Variants in P2RX7 observed in about 807,000 individuals in gnomAD.
The protein encoded by P2RX7 is P2X purinoceptor 7.
P2RX7 carries 62 observed loss-of-function variants against 71.6 expected under a neutral mutation model. The ratio of observed to expected loss-of-function variants is 0.87; its 90% confidence interval spans 0.71 to 1.07. The LOEUF (loss-of-function observed/expected upper bound fraction) is 1.07, where lower values mean the gene tolerates loss of function less well. P2RX7 is among the 50% of genes least tolerant of loss of function. The pLI is 0.00. For synonymous variants in P2RX7, 299 were observed against 283.3 expected, an observed-to-expected ratio of 1.06 and a Z score of -0.56; for missense variants, 686 against 748.5, an observed-to-expected ratio of 0.92 and a Z score of 0.97.
rs201644110 is a variant in P2RX7 at position 121,154,944 on chromosome 12, C to G, written c.285C>G (p.Phe95Leu). ...HSVFDTADYT[F>L]PLQGNSFFVM... is the part of the protein sequence containing the mutation. ...TCTTTGACACCGCAGACTACACCTT[C>G]CCTTTGCAGGTGAGCACCTCGTAGC... is the stretch of plus-strand genomic sequence containing the variant. The change falls in exon 2 of 13, where the codon TTC (phenylalanine) becomes TTG (leucine). Residue 95 changes from phenylalanine to leucine, a missense_variant. By Grantham distance (22) the Phe-to-Leu change is conservative. Coordinates refer to ENST00000328963, the MANE Select transcript of P2RX7 (RefSeq NM_002562.6). The surrounding 1 kb of genome is among the most constrained non-coding windows in gnomAD (Gnocchi z 4.2). The G allele has an allele frequency of 1.9e-6, 3 of 1,614,182 alleles. No homozygotes were observed. The Admixed American group carries it at 5.0e-5, about 27-fold the overall frequency.
chr12:121,136,749 C>A (rs569092226), intron 1 of P2RX7, among the ~76,000 whole-genome samples: 105 of 150,156 alleles, frequency 7.0e-4, no homozygotes, highest in African/African-American at 2.5e-3. Context: ...CAGGCCCAAG[C>A]AATCCTCCCA....
chr12:121,163,821 G>A (rs1279912688), intron 5 of P2RX7, among the ~76,000 whole-genome samples: 4 of 152,142 alleles, frequency 2.6e-5, no homozygotes, highest in African/African-American at 9.7e-5. Flanking sequence ...ATATTGGACA[G>A]CGCAGTTCTA....
intron 1 of P2RX7, among the ~76,000 whole-genome samples, chr12:121,148,188 T>TTTTATTTA (rs10627747): frequency 0.093 from 13,038 of 140,432 alleles, 710 homozygotes; most frequent in Non-Finnish European, 0.1. Context: ...CTGGGATCTT[T>TTTTATTTA]TTTATTTATT....
chr12:121,177,145 A>T lies in P2RX7; in HGVS notation c.973-2A>T. The T allele has an allele frequency of 6.2e-7, 1 of 1,613,892 alleles. No homozygotes were observed. Among genetic ancestry groups the T allele is most frequent in the Admixed American group, 1.7e-5 (1 of 60,018 alleles). On this transcript the variant is annotated splice_acceptor_variant, in intron 9 of 12. Coordinates refer to ENST00000328963, the MANE Select transcript of P2RX7 (RefSeq NM_002562.6). LOFTEE classifies it high-confidence loss of function. The stretch of plus-strand genomic sequence containing the variant: ...GAGTAAACTCTCCCACTCTGTTTTT[A>T]GGGAGGAAAATTTGACATTATCCAG...
At chr12:121,153,684 A>T (rs1877951892) in intron 1 of P2RX7, among the ~76,000 whole-genome samples, 1 of 151,800 alleles carries the variant, frequency 6.6e-6, no homozygotes, top group South Asian at 2.1e-4. Flanking sequence ...TCTCAAAAAA[A>T]CATAATAAAA....
intron 3 of P2RX7, among the ~76,000 whole-genome samples, chr12:121,157,200 G>A (rs191168693): frequency 1.1e-3 from 163 of 152,236 alleles, no homozygotes; most frequent in Non-Finnish European, 1.8e-3. Context: ...TTGCAGCAGC[G>A]CTGGTGATAC....
chr12:121,183,654 G>A (rs1298435717), intron 12 of P2RX7, among the ~76,000 whole-genome samples: 2 of 151,940 alleles, frequency 1.3e-5, no homozygotes, highest in Non-Finnish European at 2.9e-5. Flanking sequence ...GAAGAATGTG[G>A]AATACCACAG....
intron 5 of P2RX7, among the ~76,000 whole-genome samples, chr12:121,163,344 A>ACACACACACG (rs1555226348): frequency 1.1e-4 from 14 of 127,644 alleles, no homozygotes; most frequent in Admixed American, 5.5e-4. Context: ...ACACACACAC[A>ACACACACACG]CACACACACA....
intron 1 of P2RX7, among the ~76,000 whole-genome samples, chr12:121,150,093 G>A (rs557401876): frequency 6.6e-6 from 1 of 152,146 alleles, no homozygotes; most frequent in Non-Finnish European, 1.5e-5. Context: ...AGCAAGGTCG[G>A]GAGAGTATTT....
At chr12:121,167,806 A>AT (rs199928441) in intron 8 of P2RX7, among the ~76,000 whole-genome samples, 182 bp downstream of exon 8, 2,131 of 151,156 alleles carry the variant, frequency 0.014, 49 homozygotes, top group African/African-American at 0.049. Flanking sequence ...CACACTCTTT[A>AT]TTTTTTACTT....
At chr12:121,159,887 T>C (rs1208179831) in intron 3 of P2RX7, among the ~76,000 whole-genome samples, 1 of 152,068 alleles carries the variant, frequency 6.6e-6, no homozygotes, top group Non-Finnish European at 1.5e-5. Flanking sequence ...AAGCCACCTG[T>C]CCCCCATCCC....
intron 12 of P2RX7, among the ~76,000 whole-genome samples, chr12:121,183,865 C>G (rs2686382): frequency 0.014 from 2,142 of 152,188 alleles, 47 homozygotes; most frequent in African/African-American, 0.048. Context: ...GAGTTCCAAA[C>G]CAGCCTGGCC....
chr12:121,136,021 A>ATATAT (rs1250639431), intron 1 of P2RX7, among the ~76,000 whole-genome samples: 383 of 16,496 alleles, frequency 0.023, 2 homozygotes, highest in South Asian at 0.16. Context: ...AAAAAAAAAA[A>ATATAT]AAATATATAT....
intron 1 of P2RX7, among the ~76,000 whole-genome samples, 171 bp downstream of exon 1, chr12:121,133,266 G>T (rs371780000): frequency 6.6e-6 from 1 of 152,238 alleles, no homozygotes; most frequent in Non-Finnish European, 1.5e-5. Flanking sequence ...AAGAGGAAAC[G>T]GTGCCAGGCT....
At chr12:121,161,808 A>C (rs570367200) in intron 4 of P2RX7, among the ~76,000 whole-genome samples, 1 of 150,498 alleles carries the variant, frequency 6.6e-6, no homozygotes, top group Non-Finnish European at 1.5e-5. Context: ...AAAAAAAGGC[A>C]CAGGGCAATT....
intron 1 of P2RX7, among the ~76,000 whole-genome samples, chr12:121,146,170 C>T (rs1876140525): frequency 6.6e-6 from 1 of 151,994 alleles, no homozygotes; most frequent in Non-Finnish European, 1.5e-5. Flanking sequence ...CTATGTCTGT[C>T]CTCTTCTTCA....
chr12:121,184,192 C>T (rs931116067), intron 12 of P2RX7, 113 bp from the exon 13 acceptor site: 14 of 1,281,166 alleles, frequency 1.1e-5, no homozygotes, highest in African/African-American at 3.0e-5. Flanking sequence ...TAATAAATGA[C>T]GGCTACTATA....
chr12:121,153,454 G>A (rs1418221866), intron 1 of P2RX7, among the ~76,000 whole-genome samples: 4 of 152,020 alleles, frequency 2.6e-5, no homozygotes, highest in Non-Finnish European at 5.9e-5. Flanking sequence ...AAGGTGGGTG[G>A]ATCCCTTGAG....
chr12:121,180,315 G>A, intron 11 of P2RX7, 39 bp from the exon 12 acceptor site: 2 of 1,231,516 alleles, frequency 1.6e-6, no homozygotes, highest in Non-Finnish European at 2.3e-6. Flanking sequence ...TGATAATTCT[G>A]TACAAAAATG....
Sources: gnomAD v4.1 joint callset for allele counts (sites outside exome capture counted in the v4.1 genomes callset) on GRCh38, gnomAD v4.1.1 for gene constraint, Gnocchi (gnomAD v3.1) non-coding constraint, MANE v1.5 for transcripts, NCBI Gene and HGNC (gene_info 2026-07-23, HGNC 2026-07-21) for gene names.